The following TM9SF4 variants were observed in gnomAD, a reference collection of about 807,000 sequenced individuals.
TM9SF4 encodes the protein transmembrane 9 superfamily member 4.
TM9SF4 carries 26 observed loss-of-function variants against 90.4 expected under a neutral mutation model. The ratio of observed to expected loss-of-function variants is 0.29; its 90% CI spans 0.21 to 0.40. The LOEUF (loss-of-function observed/expected upper bound fraction) is 0.40. TM9SF4 is among the 10% of genes least tolerant of loss of function. The pLI, the probability that TM9SF4 is intolerant of heterozygous loss-of-function variation, is 1.00. For missense variants in TM9SF4, 549 were observed against 834.8 expected, an observed-to-expected ratio of 0.66 and a Z score of 4.22; for synonymous variants, 293 against 315.4, an observed-to-expected ratio of 0.93 and a Z score of 0.75.
chr20:32,133,163 A>G (rs2046545004), intron 2 of TM9SF4, 37 bp downstream of exon 2: 1 of 1,595,486 alleles, frequency 6.3e-7, no homozygotes, highest in Non-Finnish European at 8.6e-7. Flanking sequence ...CCTCTGTGCT[A>G]GGCAGTGTGT....
rs534322062 is a variant in TM9SF4 at position 32,162,987 on chromosome 20, G to A, written c.1779+1622G>A. Among the ~76,000 whole-genome samples the A allele has an allele frequency of 1.2e-4, 19 of 152,108 alleles. No homozygotes were observed. The South Asian group carries it at 2.7e-3, about 22-fold the overall frequency. ...AGATCCAGAGTCTCAAAAATATCAG[G>A]GCTCAATCCCAGCACTTCGGGAGGC... is the stretch of plus-strand genomic sequence containing the variant. On this transcript the variant is annotated intron_variant, in intron 17 of 17. Transcript: ENST00000398022.
rs190436938 is a variant in TM9SF4 at position 32,167,089 on chromosome 20, C to T, written c.*1645C>T. The stretch of plus-strand genomic sequence containing the variant: ...TCAAATCTTGGATTTTTTTTTTTCC[C>T]TAAGAGATTCTCTTTTTAGGGGGAA... On this transcript the variant is annotated 3_prime_UTR_variant, in exon 18 of 18. Transcript: ENST00000398022. The T allele has an allele frequency of 6.6e-6, 1 of 151,376 alleles. No homozygotes were observed. Among genetic ancestry groups the T allele is most frequent in the Admixed American group, 6.6e-5 (1 of 15,242 alleles). The allele number at this position is 151,376 out of a possible 1,614,324, so 9.4% of individuals were successfully genotyped here. A position where few individuals can be genotyped will look rare whatever the true frequency, so the allele number is the denominator to read the frequency against.
intron 17 of TM9SF4, among the ~76,000 whole-genome samples, chr20:32,163,711 C>A (rs1600352983): frequency 6.7e-6 from 1 of 150,318 alleles, no homozygotes; most frequent in Non-Finnish European, 1.5e-5. Flanking sequence ...TCCCGGGTTC[C>A]AGCGATTCTC....
At chr20:32,110,312 C>T (rs1368560298) in intron 1 of TM9SF4, among the ~76,000 whole-genome samples, 4 of 152,150 alleles carry the variant, frequency 2.6e-5, no homozygotes, top group Admixed American at 2.0e-4. Context: ...AGCTTGCCTT[C>T]ACCTACCCCA....
At chr20:32,132,682 A>G (rs896883122) in intron 1 of TM9SF4, among the ~76,000 whole-genome samples, 8 of 152,186 alleles carry the variant, frequency 5.3e-5, no homozygotes, top group Non-Finnish European at 1.0e-4. Context: ...CTGGAGCTTT[A>G]TTTCCTGCCA....
chr20:32,161,158 C>A, intron 16 of TM9SF4, 118 bp from the exon 17 acceptor site: 1 of 754,608 alleles, frequency 1.3e-6, no homozygotes, highest in South Asian at 1.6e-5. Context: ...TGAAACATTT[C>A]CATCACCCCA....
chr20:32,149,763 A>T lies in TM9SF4; in HGVS notation c.1084A>T (p.Ile362Phe). 6.2e-7 allele frequency: 1 copy of T among 1,614,120 alleles called. No homozygotes were observed. The highest frequency in any genetic ancestry group is 8.5e-7 in the Non-Finnish European group (1 of 1,179,988). The change falls in exon 10 of 18, where the codon ATC becomes TTC. Residue 362 changes from isoleucine (I) to phenylalanine (F), a missense_variant. Ile to Phe is a conservative substitution (Grantham distance 21). Around this residue, in one of 2 missense-constraint regions of TM9SF4, gnomAD observed 495 missense variants for 711.7 expected, o/e 0.70. Transcript: ENST00000398022. Reference protein sequence around the residue: ...IQLFCMILIVIFVAMLGMLSP... With the variant: ...IQLFCMILIVFFVAMLGMLSP... ...GCTGTTCTGTATGATCCTCATCGTC[A>T]TCTGTGAGTGTGCCCAGCGGGGCCG...
chr20:32,143,004 C>A lies in TM9SF4; in HGVS notation c.551C>A (p.Ser184Ter). ...CAGATCTACCTGCACAACCACCTCT[C>A]ATTCATCCTTTACTATCATCGGGAG... ...VNKIYLHNHL[S>*]FILYYHREDM... Residue 184 changes from serine to a stop codon, truncating the protein, a stop_gained, in exon 6 of 18, where the codon TCA (serine) becomes TAA (stop). Transcript: ENST00000398022. LOFTEE classifies it high-confidence loss of function. 6.2e-7 allele frequency: 1 copy of A among 1,613,722 alleles called. No homozygotes were observed. Among genetic ancestry groups the A allele is most frequent in the South Asian group, 1.1e-5 (1 of 91,024 alleles).
At chr20:32,133,244 C>A in intron 2 of TM9SF4, 118 bp downstream of exon 2, 1 of 831,516 alleles carries the variant, frequency 1.2e-6, no homozygotes, top group Non-Finnish European at 1.8e-6. Context: ...GCCAGTTACC[C>A]CGGAACTCTG....
chr20:32,141,976 G>C, intron 5 of TM9SF4, 81 bp downstream of exon 5: 1 of 1,585,166 alleles, frequency 6.3e-7, no homozygotes, highest in African/African-American at 1.3e-5. Flanking sequence ...GAAAAGGTGG[G>C]GCTCGGCCAC....
At chr20:32,154,185 T>TGGAGTGCAGTGGC (rs2046883658) in intron 12 of TM9SF4, among the ~76,000 whole-genome samples, 1 of 152,146 alleles carries the variant, frequency 6.6e-6, no homozygotes, top group East Asian at 1.9e-4. Flanking sequence ...AGTCTTGCTC[T>TGGAGTGCAGTGGC]ATTACCCAGG....
chr20:32,123,520 A>G (rs986746900), intron 1 of TM9SF4, among the ~76,000 whole-genome samples: 1 of 149,548 alleles, frequency 6.7e-6, no homozygotes, highest in Admixed American at 6.6e-5. Context: ...CTTTTGGATT[A>G]TTTGTCCTTT....
intron 1 of TM9SF4, among the ~76,000 whole-genome samples, chr20:32,120,563 G>C (rs1378016015): frequency 6.6e-6 from 1 of 152,014 alleles, no homozygotes; most frequent in Non-Finnish European, 1.5e-5. Context: ...ACAATCATGT[G>C]ATCCGCAACT....
chr20:32,158,035 G>T, intron 14 of TM9SF4, 66 bp downstream of exon 14: 1 of 1,585,868 alleles, frequency 6.3e-7, no homozygotes. Context: ...TCCGCCACCA[G>T]AAGGGTGCGG....
chr20:32,109,964 G>C, intron 1 of TM9SF4: 1 of 1,411,830 alleles, frequency 7.1e-7, no homozygotes, highest in East Asian at 2.5e-5. Context: ...CGAGTTTTGG[G>C]GGAGGCGCCG....
rs73906760 is a variant in TM9SF4 at position 32,158,407 on chromosome 20, G to A, written c.1506-44G>A. 3,615 of 1,605,788 alleles carry A rather than the reference G, an allele frequency of 2.3e-3. 73 individuals carry two copies. In the African/African-American group the frequency reaches 0.043, roughly 19 times the overall value. ...CTTGGGAAGGAGCTTGGGGCTTCCT[G>A]GTGGCCTGGTCTCTAACAATGTCAA... On this transcript the variant is annotated intron_variant, in intron 14 of 17. Coordinates refer to ENST00000398022, the MANE Select transcript of TM9SF4 (RefSeq NM_014742.4).
At chr20:32,149,898 C>G (rs2046817243) in intron 10 of TM9SF4, 132 bp downstream of exon 10, 1 of 1,301,986 alleles carries the variant, frequency 7.7e-7, no homozygotes, top group Middle Eastern at 2.4e-4. Flanking sequence ...ATGTCAGTAT[C>G]TCTGGGCCAG....
chr20:32,152,777 C>T (rs2046861725), intron 12 of TM9SF4, among the ~76,000 whole-genome samples: 1 of 152,220 alleles, frequency 6.6e-6, no homozygotes, highest in Non-Finnish European at 1.5e-5. Flanking sequence ...ATCAGTCCTC[C>T]AGAGGCTGCC....
At chr20:32,123,113 G>A (rs2046352010) in intron 1 of TM9SF4, among the ~76,000 whole-genome samples, 1 of 141,756 alleles carries the variant, frequency 7.1e-6, no homozygotes, top group Non-Finnish European at 1.5e-5. Flanking sequence ...AGCCGAGATG[G>A]CAGCAGTATA....
Sources: gnomAD v4.1 joint callset for allele counts (sites outside exome capture counted in the v4.1 genomes callset) on GRCh38, gnomAD v4.1.1 for gene constraint, gnomAD v4.1.1 regional missense constraint, MANE v1.5 for transcripts, NCBI Gene and HGNC (gene_info 2026-07-23, HGNC 2026-07-21) for gene names.